Variants in CDH18 observed in about 807,000 individuals in gnomAD.
The protein encoded by CDH18 is cadherin 18, also known as cadherin-18.
Under a neutral mutation model 67.9 loss-of-function variants are expected in CDH18, and 31 were observed. That is an observed-to-expected ratio of 0.46 (90% confidence interval 0.34 to 0.62). The LOEUF is 0.62. CDH18 is among the 20% of genes least tolerant of loss of function. The probability of loss-of-function intolerance (pLI) is 0.01; values close to 1 mark genes in which losing one functional copy is unlikely to be tolerated. For missense variants in CDH18, 890 were observed against 975.5 expected (o/e 0.91, Z 1.17); for synonymous variants, 362 against 347.2 (o/e 1.04, Z -0.48).
intron 10 of CDH18, among the ~76,000 whole-genome samples, chr5:19,515,476 T>C (rs932527608): frequency 6.6e-6 from 1 of 152,220 alleles, no homozygotes; most frequent in Admixed American, 6.5e-5. Context: ...TTCCTATCCA[T>C]GAGCATGGAA....
intron 2 of CDH18, among the ~76,000 whole-genome samples, chr5:19,849,161 G>A (rs1413979635): frequency 6.6e-6 from 1 of 151,998 alleles, no homozygotes; most frequent in Non-Finnish European, 1.5e-5. Context: ...AAGGAAATGT[G>A]GAGCTTGCAG....
chr5:20,457,522 T>A (rs1750921488), intron 1 of CDH18, among the ~76,000 whole-genome samples: 4 of 152,168 alleles, frequency 2.6e-5, no homozygotes, highest in African/African-American at 7.2e-5. Context: ...AATGTGTACC[T>A]GAACCCAGTG....
intron 5 of CDH18, among the ~76,000 whole-genome samples, chr5:19,656,822 T>C (rs1288808317): frequency 6.6e-6 from 1 of 151,896 alleles, no homozygotes; most frequent in African/African-American, 2.4e-5. Flanking sequence ...AGCAGAACAT[T>C]ATATGTCTAG....
chr5:19,886,408 CAG>C (rs1245431291), intron 2 of CDH18: 1 of 152,096 alleles, frequency 6.6e-6, no homozygotes, highest in African/African-American at 2.4e-5. Context: ...ATCAAAATCA[CAG>C]AGAGGACAGA....
intron 5 of CDH18, among the ~76,000 whole-genome samples, chr5:19,701,243 A>T (rs1763209395): frequency 6.6e-6 from 1 of 152,170 alleles, no homozygotes; most frequent in African/African-American, 2.4e-5. Context: ...GAGGAAAAAA[A>T]ATCCCTGCTG....
intron 7 of CDH18, among the ~76,000 whole-genome samples, chr5:19,576,717 T>C (rs956649166): frequency 6.6e-6 from 1 of 152,092 alleles, no homozygotes; most frequent in Non-Finnish European, 1.5e-5. Context: ...TCCCATAGGA[T>C]CCAGCAATCC....
chr5:19,828,763 G>A (rs757430155), intron 3 of CDH18, among the ~76,000 whole-genome samples: 27 of 152,118 alleles, frequency 1.8e-4, no homozygotes, highest in Non-Finnish European at 2.9e-4. Flanking sequence ...CCGGCTGGGC[G>A]CTGTGGCTCA....
chr5:20,422,384 A>T (rs1279669678), intron 1 of CDH18, among the ~76,000 whole-genome samples: 3 of 151,022 alleles, frequency 2.0e-5, no homozygotes, highest in African/African-American at 7.4e-5. Context: ...AATGTTTTTA[A>T]ACATGATTTT....
chr5:20,010,964 C>T (rs1331999825), intron 2 of CDH18, among the ~76,000 whole-genome samples: 1 of 152,116 alleles, frequency 6.6e-6, no homozygotes, highest in East Asian at 1.9e-4. Context: ...ACCTAGAATT[C>T]CAGAACTGAA....
rs1395589264 is a variant in CDH18 at position 19,503,101 on chromosome 5, A to G, written c.1521T>C (p.His507=). Residue 507 remains histidine (H), a synonymous_variant, in exon 11 of 13, where the codon CAT becomes CAC. Coordinates refer to ENST00000382275, the MANE Select transcript of CDH18 (RefSeq NM_004934.5). ...CATCTTTATCAGTGGCACTGATGGT[A>G]TGAATAACCTAAAGAAAAGACAAAC... The part of the protein sequence containing the change: ...CENSKPGQVI[H]TISATDKDDF... 2 of 1,541,776 alleles carry G rather than the reference A, an allele frequency of 1.3e-6. No homozygotes were observed. The highest frequency in any genetic ancestry group is 1.8e-6 in the Non-Finnish European group (2 of 1,115,364).
chr5:19,845,295 T>G (rs1347968718), intron 2 of CDH18, among the ~76,000 whole-genome samples: 1 of 152,170 alleles, frequency 6.6e-6, no homozygotes, highest in Non-Finnish European at 1.5e-5. Flanking sequence ...GAATGTGCAG[T>G]TTAATTTCTA....
At chr5:19,483,208 A>AT in intron 12 of CDH18, 93 bp downstream of exon 12, 1 of 1,258,330 alleles carries the variant, frequency 7.9e-7, no homozygotes, top group Non-Finnish European at 1.1e-6. Context: ...TTCCTTACCC[A>AT]CATTATGGAT....
chr5:19,977,679 C>A (rs1414323348), intron 2 of CDH18, among the ~76,000 whole-genome samples: 2 of 150,914 alleles, frequency 1.3e-5, no homozygotes, highest in African/African-American at 4.8e-5. Flanking sequence ...AATTAATTTG[C>A]CTTAATCCAT....
chr5:20,447,628 CT>C, intron 1 of CDH18, among the ~76,000 whole-genome samples: 1 of 152,182 alleles, frequency 6.6e-6, no homozygotes. Flanking sequence ...CACAAATGGA[CT>C]AAGAAACCTG....
chr5:20,228,391 T>C (rs1432600125), intron 2 of CDH18, among the ~76,000 whole-genome samples: 1 of 152,144 alleles, frequency 6.6e-6, no homozygotes, highest in Non-Finnish European at 1.5e-5. Flanking sequence ...CAACATGATG[T>C]ATTAAAGTAT....
intron 11 of CDH18, among the ~76,000 whole-genome samples, chr5:19,491,410 C>T (rs747004899): frequency 6.6e-6 from 1 of 152,196 alleles, no homozygotes; most frequent in Non-Finnish European, 1.5e-5. Context: ...CATATTACAA[C>T]ACCAGCTGTG....
chr5:20,175,517 T>C (rs1737164266), intron 2 of CDH18, among the ~76,000 whole-genome samples: 1 of 152,174 alleles, frequency 6.6e-6, no homozygotes, highest in African/African-American at 2.4e-5. Flanking sequence ...TGCCAAAGTT[T>C]GAAGATTGTC....
chr5:19,834,573 A>C (rs1459543167), intron 3 of CDH18, among the ~76,000 whole-genome samples: 1 of 151,348 alleles, frequency 6.6e-6, no homozygotes, highest in African/African-American at 2.4e-5. Flanking sequence ...TAGCTTCTGG[A>C]TTAGTTTGTT....
chr5:19,762,010 A>C (rs1171677146), intron 3 of CDH18, among the ~76,000 whole-genome samples: 1 of 152,212 alleles, frequency 6.6e-6, no homozygotes, highest in Non-Finnish European at 1.5e-5. Context: ...CCTATTTAAT[A>C]AATGGTGCTG....
Sources: gnomAD v4.1 joint callset for allele counts (sites outside exome capture counted in the v4.1 genomes callset) on GRCh38, gnomAD v4.1.1 for gene constraint, MANE v1.5 for transcripts, NCBI Gene and HGNC (gene_info 2026-07-23, HGNC 2026-07-21) for gene names.